The following TRAPPC11 variants were observed in gnomAD, a reference collection of about 807,000 sequenced individuals.
TRAPPC11 encodes the protein foie gras homolog.
TRAPPC11 carries 104 observed loss-of-function variants against 151.2 expected under a neutral mutation model. The ratio of observed to expected loss-of-function variants is 0.69; its 90% confidence interval spans 0.59 to 0.81. The LOEUF (loss-of-function observed/expected upper bound fraction) is 0.81. Ranked by LOEUF, TRAPPC11 falls within the 30% of genes least tolerant of loss-of-function variation. The pLI, the probability that TRAPPC11 is intolerant of heterozygous loss-of-function variation, is 0.00. For synonymous variants in TRAPPC11, 456 were observed against 472.3 expected (o/e 0.97, Z 0.45); for missense variants, 1,230 against 1,349.6 (o/e 0.91, Z 1.39).
intron 1 of TRAPPC11, among the ~76,000 whole-genome samples, chr4:183,660,100 C>A (rs1185089429): frequency 6.6e-6 from 1 of 152,200 alleles, no homozygotes; most frequent in Non-Finnish European, 1.5e-5. Context: ...ATTTCTCCTT[C>A]CAGCCTGTCA....
At chr4:183,711,249 A>C (rs796105061) in intron 29 of TRAPPC11, among the ~76,000 whole-genome samples, 13 of 152,284 alleles carry the variant, frequency 8.5e-5, no homozygotes, top group African/African-American at 2.9e-4. Context: ...CGGTATAGCC[A>C]CTAGCCACAT....
intron 28 of TRAPPC11, among the ~76,000 whole-genome samples, chr4:183,707,246 GTGTGTTTA>G (rs1737118901): frequency 8.8e-6 from 1 of 113,728 alleles, no homozygotes; most frequent in Admixed American, 8.6e-5. Context: ...TGATGAGTGT[GTGTGTTTA>G]TGTGTGTGTG....
Position 183,712,731 on chromosome 4 carries a change from G to A in TRAPPC11, c.*87G>A. 1 of 1,363,756 alleles carries A rather than the reference G, an allele frequency of 7.3e-7. No individual in the cohort carries two copies. The highest frequency in any genetic ancestry group is 1.2e-5 in the South Asian group (1 of 81,438). 84.5% of individuals were successfully genotyped at this position (1,363,756 alleles called of 1,614,324 possible). On this transcript the variant is annotated 3_prime_UTR_variant, in exon 30 of 30. Transcript: ENST00000334690. ...CATTGTGAACTCTAGCTTTGATCAT[G>A]GTAAAAAGTTAACCTTTTCTATTTT...
At chr4:183,681,723 C>T (rs1256163910) in intron 10 of TRAPPC11, among the ~76,000 whole-genome samples, 12 of 150,236 alleles carry the variant, frequency 8.0e-5, no homozygotes, top group East Asian at 3.9e-4. Flanking sequence ...GGGCTTGCAG[C>T]GAGCCGAGAT....
At chr4:183,664,205 A>G in intron 2 of TRAPPC11, 134 bp downstream of exon 2, 2 of 693,902 alleles carry the variant, frequency 2.9e-6, no homozygotes, top group South Asian at 3.6e-5. Flanking sequence ...AGCCTTAGGC[A>G]TTTTCATGTA....
chr4:183,677,344 T>G, intron 7 of TRAPPC11, 114 bp from the exon 8 acceptor site: 1 of 706,200 alleles, frequency 1.4e-6, no homozygotes, highest in Non-Finnish European at 2.6e-6. Flanking sequence ...TTGACATTAT[T>G]GAGCTGTTGA....
At chr4:183,662,822 CCTT>C (rs958044328) in intron 1 of TRAPPC11, among the ~76,000 whole-genome samples, 3 of 151,878 alleles carry the variant, frequency 2.0e-5, no homozygotes, top group East Asian at 1.9e-4. Flanking sequence ...AATTTTATCA[CCTT>C]CTTGCTTTCT....
At chr4:183,686,910 G>T (rs1040157955) in intron 18 of TRAPPC11, among the ~76,000 whole-genome samples, 162 bp downstream of exon 18, 1 of 152,204 alleles carries the variant, frequency 6.6e-6, no homozygotes, top group Non-Finnish European at 1.5e-5. Context: ...GCCGGGCACA[G>T]TGGCTCACGC....
chr4:183,685,926 C>T (rs1289544816), intron 17 of TRAPPC11, among the ~76,000 whole-genome samples: 1 of 152,152 alleles, frequency 6.6e-6, no homozygotes, highest in African/African-American at 2.4e-5. Flanking sequence ...CTCTTCCTCC[C>T]AGGTTCAAGC....
At chr4:183,676,202 T>G (rs986407200) in intron 7 of TRAPPC11, among the ~76,000 whole-genome samples, 1 of 151,816 alleles carries the variant, frequency 6.6e-6, no homozygotes, top group African/African-American at 2.4e-5. Context: ...CAGGCTGGAG[T>G]GCAGTGGCGC....
intron 2 of TRAPPC11, among the ~76,000 whole-genome samples, chr4:183,665,126 G>C (rs1250936489): frequency 2.5e-5 from 3 of 119,778 alleles, no homozygotes; most frequent in Non-Finnish European, 1.6e-5. Flanking sequence ...ACGGAGTCTC[G>C]CTCTGTCCCC....
At chr4:183,665,585 T>G (rs4400034) in intron 2 of TRAPPC11, among the ~76,000 whole-genome samples, 131,520 of 152,242 alleles carry the variant, frequency 0.86, 56,994 homozygotes, top group East Asian at 1. Flanking sequence ...GAGGTAGACA[T>G]TGGATCACCA....
rs567387885 is a variant in TRAPPC11 at position 183,708,411 on chromosome 4, G to A, written c.3194G>A (p.Arg1065Gln). The A allele has an allele frequency of 3.7e-5, 60 of 1,611,616 alleles. No homozygotes were observed. Among genetic ancestry groups the A allele is most frequent in the African/African-American group, 5.3e-5 (4 of 74,932 alleles). Reference protein sequence around the residue: ...AFMFSGLKQIRLRILPGTEQE... With the variant: ...AFMFSGLKQIQLRILPGTEQE... ...CTGTGACTTTTTATGATGCAGATTC[G>A]ATTACGTATCCTCCCTGGCACGGAG... The change falls in exon 29 of 30, where the codon CGA becomes CAA. Residue 1065 changes from arginine (R) to glutamine (Q), a missense_variant. Transcript: ENST00000334690.
rs556256385 is a variant in TRAPPC11, at chr4:183,688,431, G to A, written c.1893+1683G>A. 2.0e-5 allele frequency among the ~76,000 whole-genome samples: 3 copies of A among 152,318 alleles called. No homozygotes were observed. The South Asian group carries it at 6.2e-4, about 32-fold the overall frequency. On this transcript the variant is annotated intron_variant, in intron 18 of 29. Coordinates refer to ENST00000334690, the MANE Select transcript of TRAPPC11 (RefSeq NM_021942.6). The stretch of plus-strand genomic sequence containing the variant: ...CTAGAACAGAGGGTTTATAATGCTG[G>A]GTGGTGGGAAATAAGGCCAGGTGGC...
intron 1 of TRAPPC11, 107 bp from the exon 2 acceptor site, chr4:183,663,740 T>TG (rs1734686144): frequency 4.1e-6 from 2 of 491,106 alleles, no homozygotes; most frequent in Non-Finnish European, 7.1e-6. Flanking sequence ...TGAGTTGTTT[T>TG]TTTTTTTTTT....
rs79165046 is a variant in TRAPPC11, at chr4:183,694,532, A to G, written c.2509-72A>G. 6,405 of 1,457,112 alleles carry G rather than the reference A, an allele frequency of 4.4e-3. 237 individuals are homozygous for G. The African/African-American group carries it at 0.079, about 18-fold the overall frequency. The allele number at this position is 1,457,112 out of a possible 1,614,324, so 90.3% of individuals were successfully genotyped here. Reference sequence around the variant, plus strand: ...TAAATAAACTCTAGAAGGTGGGAACATTATCCTAGAATATATATCAAGAAG... The same window carrying G: ...TAAATAAACTCTAGAAGGTGGGAACGTTATCCTAGAATATATATCAAGAAG... On this transcript the variant is annotated intron_variant, in intron 22 of 29. Transcript: ENST00000334690.
At chr4:183,661,965 A>G (rs956313182) in intron 1 of TRAPPC11, among the ~76,000 whole-genome samples, 2 of 151,666 alleles carry the variant, frequency 1.3e-5, no homozygotes, top group South Asian at 4.2e-4. Context: ...GGATCTCACT[A>G]TGTTTCCCAG....
At chr4:183,703,304 G>A (rs1736889377) in intron 26 of TRAPPC11, among the ~76,000 whole-genome samples, 1 of 152,158 alleles carries the variant, frequency 6.6e-6, no homozygotes. Context: ...TATTTACCAT[G>A]TTGGAAACTA....
chr4:183,708,532 T>C lies in TRAPPC11; in HGVS notation c.3315T>C (p.Asn1105=). The part of the protein sequence containing the change: ...INLLRFPNFT[N]QLLRRFIPTS... ...TGCTTAGATTTCCTAACTTCACAAA[T>C]CAGCTGCTCAGGCGTTTTATACCTA... The change falls in exon 29 of 30, where the codon AAT becomes AAC. Residue 1105 remains asparagine (N), a synonymous_variant. Transcript: ENST00000334690. 6.2e-7 allele frequency: 1 copy of C among 1,614,124 alleles called. No individual in the cohort carries two copies. Among genetic ancestry groups the C allele is most frequent in the African/African-American group, 1.3e-5 (1 of 75,048 alleles).
Sources: gnomAD v4.1 joint callset for allele counts (sites outside exome capture counted in the v4.1 genomes callset) on GRCh38, gnomAD v4.1.1 for gene constraint, MANE v1.5 for transcripts, NCBI Gene and HGNC (gene_info 2026-07-23, HGNC 2026-07-21) for gene names.